RTF1: variants seen among roughly 807,000 people sequenced by gnomAD.
RTF1 encodes the protein RNA polymerase-associated protein RTF1 homolog.
Under a neutral mutation model 95.7 loss-of-function variants are expected in RTF1, and 10 were observed. The ratio of observed to expected loss-of-function variants is 0.10; its 90% CI spans 0.06 to 0.18. RTF1 has a LOEUF of 0.18. RTF1 is among the 10% of genes least tolerant of loss of function. The probability of loss-of-function intolerance (pLI) is 1.00; values close to 1 mark genes in which losing one functional copy is unlikely to be tolerated. For missense variants in RTF1, 458 were observed against 875.6 expected (o/e 0.52, Z 6.02); for synonymous variants, 305 against 311.8 (o/e 0.98, Z 0.23).
At chr15:41,459,829 G>C (rs74563335) in intron 4 of RTF1, among the ~76,000 whole-genome samples, 1,987 of 152,268 alleles carry the variant, frequency 0.013, 43 homozygotes, top group African/African-American at 0.046. Context: ...AAATGGAAAA[G>C]TTTTAAATAT....
At chr15:41,452,804 G>A (rs776738241) in intron 2 of RTF1, 97 bp from the exon 3 acceptor site, 2 of 893,290 alleles carry the variant, frequency 2.2e-6, no homozygotes, top group Non-Finnish European at 3.2e-6. Context: ...TGGATTCAAA[G>A]ATGAATGCCA....
At chr15:41,447,139 A>G (rs1479288656) in intron 2 of RTF1, among the ~76,000 whole-genome samples, 5 of 152,132 alleles carry the variant, frequency 3.3e-5, no homozygotes, top group Non-Finnish European at 7.3e-5. Flanking sequence ...ACTGAAAGGT[A>G]TTTTATTTCA....
intron 9 of RTF1, among the ~76,000 whole-genome samples, chr15:41,475,094 GTCAT>G (rs1421003181): frequency 1.3e-5 from 2 of 152,132 alleles, no homozygotes; most frequent in Non-Finnish European, 2.9e-5. Flanking sequence ...AAATGAAAGT[GTCAT>G]TCACTCAGCA....
intron 1 of RTF1, among the ~76,000 whole-genome samples, 160 bp from the exon 2 acceptor site, chr15:41,438,161 A>T (rs2050714428): frequency 1.3e-5 from 2 of 152,248 alleles, no homozygotes; most frequent in Admixed American, 1.3e-4. Flanking sequence ...TTGGAATCCT[A>T]GCAGTCAGTC....
At chr15:41,424,370 C>G (rs943882245) in intron 1 of RTF1, among the ~76,000 whole-genome samples, 17 of 152,078 alleles carry the variant, frequency 1.1e-4, no homozygotes, top group African/African-American at 1.9e-4. Flanking sequence ...GTTGAATGTT[C>G]ATGGTTGAGG....
intron 4 of RTF1, among the ~76,000 whole-genome samples, chr15:41,460,131 T>G (rs1223852764): frequency 2.0e-5 from 3 of 151,510 alleles, no homozygotes; most frequent in Non-Finnish European, 4.4e-5. Flanking sequence ...GTTTTTTTTT[T>G]TTTTTTTTGA....
intron 1 of RTF1, among the ~76,000 whole-genome samples, chr15:41,427,878 C>T (rs766435082): frequency 2.6e-5 from 4 of 151,910 alleles, no homozygotes; most frequent in Non-Finnish European, 5.9e-5. Flanking sequence ...CCTCCGCCTC[C>T]CGGGTTCAAG....
rs1258419341 is a variant in RTF1 at position 41,471,310 on chromosome 15, G to A, written c.1164G>A (p.Arg388=). The change falls in exon 8 of 18, where the codon CGG becomes CGA. Residue 388 remains arginine, a synonymous_variant. Transcript: ENST00000389629. ...FAKTVTGCFV[R]IGIGNHNSKP... ...AAACTGTCACAGGATGTTTTGTGCG[G>A]ATTGGCATCGGAAACCACAACAGCA... The A allele has an allele frequency of 6.2e-7, 1 of 1,613,254 alleles. No individual in the cohort carries two copies. The highest frequency in any genetic ancestry group is 8.5e-7 in the Non-Finnish European group (1 of 1,179,846).
rs1308544517 is a variant in RTF1 at position 41,482,495 on chromosome 15, G to T, written c.*1808G>T. 2 of 152,210 alleles carry T rather than the reference G, an allele frequency of 1.3e-5. No individual in the cohort carries two copies. Among genetic ancestry groups the T allele is most frequent in the Non-Finnish European group, 2.9e-5 (2 of 67,994 alleles). The allele number at this position is 152,210 out of a possible 1,614,324, so 9.4% of individuals were successfully genotyped here. A position where few individuals can be genotyped will look rare whatever the true frequency, so the allele number is the denominator to read the frequency against. On this transcript the variant is annotated 3_prime_UTR_variant, in exon 18 of 18. Transcript: ENST00000389629. ...ATAAAAATGAACTTGGTAACTTCTG[G>T]GTTTAGTAGAGCCTCAGTGTCGCTT...
chr15:41,440,620 G>C (rs1324138319), intron 2 of RTF1, among the ~76,000 whole-genome samples: 1 of 151,090 alleles, frequency 6.6e-6, no homozygotes, highest in Non-Finnish European at 1.5e-5. Context: ...CTCCCAAGTA[G>C]CTGGGACTGC....
chr15:41,430,416 C>T (rs142264723), intron 1 of RTF1, among the ~76,000 whole-genome samples: 93 of 151,834 alleles, frequency 6.1e-4, no homozygotes, highest in African/African-American at 2.1e-3. Flanking sequence ...GCATATTGGT[C>T]TATTCAGCTA....
At chr15:41,460,145 A>G (rs1933013926) in intron 4 of RTF1, among the ~76,000 whole-genome samples, 2 of 146,934 alleles carry the variant, frequency 1.4e-5, no homozygotes, top group Non-Finnish European at 3.0e-5. Flanking sequence ...TTTTTGAGAC[A>G]GACTTTCATT....
chr15:41,473,450 T>C (rs544300435), intron 8 of RTF1, among the ~76,000 whole-genome samples: 1 of 151,986 alleles, frequency 6.6e-6, no homozygotes, highest in Non-Finnish European at 1.5e-5. Context: ...GGGTTTTTTT[T>C]TTTTTTTTGA....
rs149495147 is a variant in RTF1, at chr15:41,465,069, G to C, written c.777+184G>C. ...CATTAGCTGTGCTGTTAAATCCTTA[G>C]CACTTTTTCCTTTGCTTTCCTTTTT... On this transcript the variant is annotated intron_variant, in intron 5 of 17. Transcript: ENST00000389629. 2.4e-3 allele frequency among the ~76,000 whole-genome samples: 357 copies of C among 151,818 alleles called. 2 individuals are homozygous for C. Among genetic ancestry groups the C allele is most frequent in the African/African-American group, 8.4e-3 (347 of 41,420 alleles).
At chr15:41,439,727 C>T (rs1022290209) in intron 2 of RTF1, among the ~76,000 whole-genome samples, 2 of 152,222 alleles carry the variant, frequency 1.3e-5, no homozygotes, top group African/African-American at 4.8e-5. Context: ...TCTCGGCTCA[C>T]TGCAACCTCT....
At chr15:41,466,611 T>C (rs941619707) in intron 6 of RTF1, among the ~76,000 whole-genome samples, 2 of 152,236 alleles carry the variant, frequency 1.3e-5, no homozygotes. Flanking sequence ...ATCTAGTCAG[T>C]GTTCAAATTT....
rs537694049 is a variant in RTF1 at position 41,455,966 on chromosome 15, A to G, written c.458-1706A>G. 1.4e-3 allele frequency among the ~76,000 whole-genome samples: 214 copies of G among 151,968 alleles called. 3 individuals are homozygous for G. Among genetic ancestry groups the G allele is most frequent in the Non-Finnish European group, 2.5e-4 (17 of 67,984 alleles). On this transcript the variant is annotated intron_variant, in intron 3 of 17. Transcript: ENST00000389629. ...GGCGGCTCACACCTGTAATCCCAGCACTTTGGGAGGCCAAGACGGGGATCA... is the reference window on the plus strand; with the variant it reads ...GGCGGCTCACACCTGTAATCCCAGCGCTTTGGGAGGCCAAGACGGGGATCA...
At chr15:41,442,343 A>G (rs541827874) in intron 2 of RTF1, among the ~76,000 whole-genome samples, 1 of 151,500 alleles carries the variant, frequency 6.6e-6, no homozygotes, top group Non-Finnish European at 1.5e-5. Context: ...AATTTTTTGT[A>G]TTTTTAATAG....
chr15:41,478,943 C>CTTTTT (rs374560005), intron 15 of RTF1, 160 bp from the exon 16 acceptor site: 19 of 508,388 alleles, frequency 3.7e-5, no homozygotes, highest in South Asian at 5.0e-5. Flanking sequence ...TTGTAATTGC[C>CTTTTT]TTTTTTTTTT....
Sources: allele counts gnomAD v4.1 joint callset (sites outside exome capture counted in the v4.1 genomes callset), GRCh38; gene constraint gnomAD v4.1.1; transcripts MANE v1.5; gene names NCBI Gene and HGNC (gene_info 2026-07-23, HGNC 2026-07-21).